PRKAG2: variants seen among roughly 807,000 people sequenced by gnomAD.
The protein encoded by PRKAG2 is protein kinase AMP-activated non-catalytic subunit gamma 2.
PRKAG2 carries 26 observed loss-of-function variants against 69.6 expected under a neutral mutation model. That is an observed-to-expected ratio of 0.37 (90% CI 0.27 to 0.52). The LOEUF is 0.52. PRKAG2 is among the 20% of genes least tolerant of loss of function. The pLI, the probability that PRKAG2 is intolerant of heterozygous loss-of-function variation, is 0.90. For synonymous variants in PRKAG2, 293 were observed against 285.0 expected (o/e 1.03, Z -0.28); for missense variants, 557 against 740.0 (o/e 0.75, Z 2.87).
chr7:151,744,464 C>A (rs913376118), intron 3 of PRKAG2, among the ~76,000 whole-genome samples: 3 of 152,230 alleles, frequency 2.0e-5, no homozygotes, highest in Non-Finnish European at 4.4e-5. Flanking sequence ...AGGGCGTCAT[C>A]AGGCCGAGCT....
intron 2 of PRKAG2, among the ~76,000 whole-genome samples, chr7:151,783,287 G>C (rs1272495466): frequency 6.6e-6 from 1 of 152,232 alleles, no homozygotes; most frequent in African/African-American, 2.4e-5. Flanking sequence ...AGAGTGTGGT[G>C]CTATAGGACC....
At chr7:151,816,833 T>A (rs2078655634) in intron 1 of PRKAG2, among the ~76,000 whole-genome samples, 1 of 152,148 alleles carries the variant, frequency 6.6e-6, no homozygotes, top group Non-Finnish European at 1.5e-5. Flanking sequence ...AAAGCATACA[T>A]ACGAGCCTGA....
At chr7:151,869,793 C>A (rs1036677167) in intron 1 of PRKAG2, among the ~76,000 whole-genome samples, 1 of 152,248 alleles carries the variant, frequency 6.6e-6, no homozygotes, top group Admixed American at 6.5e-5. Context: ...GAGCGGCAAC[C>A]AAGCTTCATC....
At chr7:151,876,383 G>A in intron 1 of PRKAG2, 124 bp downstream of exon 1, 1 of 967,350 alleles carries the variant, frequency 1.0e-6, no homozygotes, top group Non-Finnish European at 1.6e-6. Context: ...CTTTCCCCAA[G>A]CCGCCCGAAG....
At chr7:151,711,687 C>T (rs1024052697) in intron 3 of PRKAG2, among the ~76,000 whole-genome samples, 2 of 152,306 alleles carry the variant, frequency 1.3e-5, no homozygotes, top group South Asian at 2.1e-4. Flanking sequence ...GAAAGTTAAG[C>T]AACCTGTAGA....
intron 3 of PRKAG2, among the ~76,000 whole-genome samples, chr7:151,686,520 G>A (rs1010816393): frequency 3.3e-5 from 5 of 152,198 alleles, no homozygotes; most frequent in South Asian, 2.1e-4. Context: ...CCTCGTCCCC[G>A]GGTACCAGGC....
At chr7:151,560,940 A>G (rs946849374) in intron 14 of PRKAG2, among the ~76,000 whole-genome samples, 1 of 152,152 alleles carries the variant, frequency 6.6e-6, no homozygotes, top group African/African-American at 2.4e-5. Flanking sequence ...ACACACACAC[A>G]CACATCCCAT....
At chr7:151,604,559 A>G (rs1244609645) in intron 5 of PRKAG2, among the ~76,000 whole-genome samples, 1 of 152,044 alleles carries the variant, frequency 6.6e-6, no homozygotes, top group Non-Finnish European at 1.5e-5. Context: ...GGGTCTCTTG[A>G]GCCAGGAGGT....
chr7:151,718,331 C>A (rs1165126672), intron 3 of PRKAG2, among the ~76,000 whole-genome samples: 3 of 152,096 alleles, frequency 2.0e-5, no homozygotes, highest in East Asian at 3.9e-4. Flanking sequence ...TATCAGCTTA[C>A]AGCCCCACCC....
At chr7:151,794,796 T>A (rs1259591607) in intron 1 of PRKAG2, among the ~76,000 whole-genome samples, 1 of 152,262 alleles carries the variant, frequency 6.6e-6, no homozygotes, top group Non-Finnish European at 1.5e-5. Flanking sequence ...GATCACAGCA[T>A]GGCCGCTGCC....
intron 4 of PRKAG2, among the ~76,000 whole-genome samples, chr7:151,636,184 C>T (rs1481883239): frequency 6.6e-6 from 1 of 152,090 alleles, no homozygotes; most frequent in Non-Finnish European, 1.5e-5. Context: ...ATTCACATAC[C>T]ATAAAATAAC....
chr7:151,830,946 G>A (rs988863737), intron 1 of PRKAG2, among the ~76,000 whole-genome samples: 1 of 151,892 alleles, frequency 6.6e-6, no homozygotes, highest in African/African-American at 2.4e-5. Context: ...ATTCTCCCAA[G>A]AAAGATTCAC....
intron 7 of PRKAG2, among the ~76,000 whole-genome samples, chr7:151,575,503 AAG>A (rs1311814095): frequency 6.6e-6 from 1 of 152,246 alleles, no homozygotes; most frequent in East Asian, 1.9e-4. Context: ...GAAGAATACT[AAG>A]AGAGACAATG....
intron 9 of PRKAG2, chr7:151,572,459 C>T: frequency 2.2e-6 from 1 of 455,576 alleles, no homozygotes; most frequent in Non-Finnish European, 4.0e-6. Flanking sequence ...GTGTCCTATA[C>T]ATGTCTATAA....
chr7:151,866,116 T>C (rs2080071641), intron 1 of PRKAG2, among the ~76,000 whole-genome samples: 1 of 152,050 alleles, frequency 6.6e-6, no homozygotes, highest in African/African-American at 2.4e-5. Flanking sequence ...ATGACCTTCA[T>C]CTAGAAAGGG....
At chr7:151,628,539 C>G (rs1270227070) in intron 5 of PRKAG2, among the ~76,000 whole-genome samples, 1 of 152,046 alleles carries the variant, frequency 6.6e-6, no homozygotes, top group African/African-American at 2.4e-5. Context: ...ATAGTGAAAC[C>G]CCATCTCTAC....
chr7:151,643,004 AAGG>A (rs1826989064), intron 4 of PRKAG2, among the ~76,000 whole-genome samples: 2 of 152,260 alleles, frequency 1.3e-5, no homozygotes, highest in Non-Finnish European at 2.9e-5. Context: ...AGATATGAAG[AAGG>A]AGCTCAAGGA....
intron 1 of PRKAG2, among the ~76,000 whole-genome samples, chr7:151,844,471 T>TG (rs1455350450): frequency 1.3e-5 from 2 of 152,178 alleles, no homozygotes; most frequent in Non-Finnish European, 1.5e-5. Flanking sequence ...CCCTCCCACC[T>TG]GGGTGAGCGT....
At chr7:151,849,691 T>C (rs115539065) in intron 1 of PRKAG2, among the ~76,000 whole-genome samples, 4,173 of 152,128 alleles carry the variant, frequency 0.027, 191 homozygotes, top group African/African-American at 0.094. Flanking sequence ...TGGGGATCCT[T>C]GGTAGCCACC....
Sources: allele counts gnomAD v4.1 joint callset (sites outside exome capture counted in the v4.1 genomes callset), GRCh38; gene constraint gnomAD v4.1.1; transcripts MANE v1.5; gene names NCBI Gene and HGNC (gene_info 2026-07-23, HGNC 2026-07-21).